INTS4: variants seen among roughly 807,000 people sequenced by gnomAD.
INTS4 encodes MSTP093.
Under a neutral mutation model 119.5 loss-of-function variants are expected in INTS4, and 70 were observed. That is an observed-to-expected ratio of 0.59 (90% CI 0.48 to 0.71). The LOEUF (loss-of-function observed/expected upper bound fraction) is 0.71, where lower values mean the gene tolerates loss of function less well. INTS4 is among the 30% of genes least tolerant of loss of function. The pLI, the probability that INTS4 is intolerant of heterozygous loss-of-function variation, is 0.00. For missense variants in INTS4, 867 were observed against 1,173.2 expected (o/e 0.74, Z 3.81); for synonymous variants, 316 against 419.6 (o/e 0.75, Z 3.02).
Position 77,938,718 on chromosome 11 carries a change from C to T in INTS4, c.1098G>A (p.Gly366=). Residue 366 remains glycine, a synonymous_variant, in exon 10 of 23, where the codon GGG becomes GGA. Transcript: ENST00000534064. ...CTCCTGACTCAATCAAGTTCACAGC[C>T]CCGGTATCTACTTCTTCCTTGGGAG... ...DDAPKEEVDT[G]AVNLIESGAC... 1 of 1,611,998 alleles carries T rather than the reference C, an allele frequency of 6.2e-7. No individual in the cohort carries two copies. The highest frequency in any genetic ancestry group is 8.5e-7 in the Non-Finnish European group (1 of 1,179,864).
At chr11:77,904,054 T>G (rs1279710612) in intron 16 of INTS4, among the ~76,000 whole-genome samples, 1 of 152,204 alleles carries the variant, frequency 6.6e-6, no homozygotes, top group African/African-American at 2.4e-5. Flanking sequence ...CCCAACCACT[T>G]TATCAACATA....
At chr11:77,980,415 T>G (rs976970075) in intron 3 of INTS4, among the ~76,000 whole-genome samples, 2 of 152,200 alleles carry the variant, frequency 1.3e-5, no homozygotes, top group African/African-American at 4.8e-5. Flanking sequence ...CGTCTCGCTC[T>G]GTCACCCAGG....
At chr11:77,955,582 G>A (rs1954299305) in intron 8 of INTS4, among the ~76,000 whole-genome samples, 1 of 148,932 alleles carries the variant, frequency 6.7e-6, no homozygotes, top group Non-Finnish European at 1.5e-5. Context: ...TGCAACTTCT[G>A]CCTCCCAGGT....
At chr11:77,922,083 C>T (rs1451533694) in intron 13 of INTS4, among the ~76,000 whole-genome samples, 3 of 151,808 alleles carry the variant, frequency 2.0e-5, no homozygotes, top group African/African-American at 7.3e-5. Context: ...CAAAAATTAG[C>T]TGGGTGTGGT....
chr11:77,943,251 T>C (rs1953971451), intron 8 of INTS4, among the ~76,000 whole-genome samples: 1 of 152,174 alleles, frequency 6.6e-6, no homozygotes, highest in Admixed American at 6.5e-5. Flanking sequence ...AAATTAAATA[T>C]CATTACTTGA....
intron 15 of INTS4, among the ~76,000 whole-genome samples, chr11:77,910,319 C>T (rs1334830897): frequency 6.6e-6 from 1 of 151,470 alleles, no homozygotes; most frequent in East Asian, 1.9e-4. Flanking sequence ...TGGAAACCAT[C>T]GTTCTCAGCA....
intron 4 of INTS4, among the ~76,000 whole-genome samples, chr11:77,961,819 A>G (rs12420528): frequency 0.13 from 19,963 of 152,226 alleles, 1,502 homozygotes; most frequent in East Asian, 0.25. Flanking sequence ...TGTTACTTAT[A>G]TAGTATTCAT....
At chr11:77,957,288 C>T (rs777438602) in intron 7 of INTS4, among the ~76,000 whole-genome samples, 2 of 151,786 alleles carry the variant, frequency 1.3e-5, no homozygotes, top group Non-Finnish European at 2.9e-5. Flanking sequence ...TTCAGCCAGG[C>T]GTGTAATCCC....
intron 8 of INTS4, among the ~76,000 whole-genome samples, chr11:77,946,166 C>T (rs1212836212): frequency 6.6e-6 from 1 of 152,210 alleles, no homozygotes; most frequent in East Asian, 1.9e-4. Context: ...CCATCACAAA[C>T]TCCCACAGCC....
At chr11:77,894,892 C>T (rs901115479) in intron 18 of INTS4, among the ~76,000 whole-genome samples, 1 of 152,156 alleles carries the variant, frequency 6.6e-6, no homozygotes, top group Non-Finnish European at 1.5e-5. Context: ...ATTTATATTT[C>T]CTTCTGGTCT....
At chr11:77,964,082 T>G (rs969465398) in intron 4 of INTS4, among the ~76,000 whole-genome samples, 2 of 152,224 alleles carry the variant, frequency 1.3e-5, no homozygotes, top group African/African-American at 4.8e-5. Flanking sequence ...GTTGTGCAGA[T>G]GCTACACAAG....
chr11:77,887,254 A>G (rs1952053028), intron 21 of INTS4, among the ~76,000 whole-genome samples: 1 of 152,250 alleles, frequency 6.6e-6, no homozygotes, highest in Non-Finnish European at 1.5e-5. Context: ...CCTGGGATGC[A>G]AGGCTGGTTC....
intron 19 of INTS4, among the ~76,000 whole-genome samples, chr11:77,892,548 G>C (rs1034737023): frequency 1.3e-5 from 2 of 152,126 alleles, no homozygotes; most frequent in African/African-American, 2.4e-5. Context: ...GCAAAAGTAA[G>C]GCATGAACTT....
In INTS4 at chr11:77,961,541, C is replaced by T. The variant is rs1488675544; in HGVS notation, c.472-403G>A. Among the ~76,000 whole-genome samples, 5 of 152,218 alleles carry T rather than the reference C, an allele frequency of 3.3e-5. No individual in the cohort carries two copies. In the East Asian group the frequency reaches 9.6e-4, roughly 29 times the overall value. On this transcript the variant is annotated intron_variant, in intron 4 of 22. Coordinates refer to ENST00000534064, the MANE Select transcript of INTS4 (RefSeq NM_033547.4). Reference sequence around the variant, plus strand: ...AATATGCAAAATCTTAAGTGTACAGCTCAATAAATTTTCACAAATACACAT... The same window carrying T: ...AATATGCAAAATCTTAAGTGTACAGTTCAATAAATTTTCACAAATACACAT...
At chr11:77,881,911 GTTT>G (rs951135442) in intron 22 of INTS4, among the ~76,000 whole-genome samples, 1 of 144,990 alleles carries the variant, frequency 6.9e-6, no homozygotes. Context: ...GTTTCTGATG[GTTT>G]TTTTTTTTTT....
intron 15 of INTS4, chr11:77,911,012 G>A (rs1413338052): frequency 1.2e-5 from 16 of 1,288,918 alleles, no homozygotes; most frequent in Middle Eastern, 2.1e-4. Context: ...TTTCAGGGCC[G>A]GCATAACACA....
intron 15 of INTS4, among the ~76,000 whole-genome samples, chr11:77,917,753 T>C (rs1276175557): frequency 6.6e-6 from 1 of 151,724 alleles, no homozygotes; most frequent in Non-Finnish European, 1.5e-5. Flanking sequence ...TAAAAGCAAA[T>C]GAGTTTAAAT....
rs1252631928 is a variant in INTS4 at position 77,946,731 on chromosome 11, G to A, written c.919-5480C>T. On this transcript the variant is annotated intron_variant, in intron 8 of 22. Coordinates refer to ENST00000534064, the MANE Select transcript of INTS4 (RefSeq NM_033547.4). ...AGCTGAGATCATGCCACTGCACTTC[G>A]GCCTGGGTGACAGAGCAAGACCCTG... Among the ~76,000 whole-genome samples the A allele has an allele frequency of 3.3e-5, 5 of 151,060 alleles. No homozygotes were observed. In the South Asian group the frequency reaches 8.4e-4, roughly 25 times the overall value.
At chr11:77,961,937 C>T (rs1954486528) in intron 4 of INTS4, among the ~76,000 whole-genome samples, 1 of 152,140 alleles carries the variant, frequency 6.6e-6, no homozygotes, top group African/African-American at 2.4e-5. Flanking sequence ...TTGTATGTGG[C>T]TTTTGGTGTA....
Sources: allele counts gnomAD v4.1 joint callset (sites outside exome capture counted in the v4.1 genomes callset), GRCh38; gene constraint gnomAD v4.1.1; transcripts MANE v1.5; gene names NCBI Gene and HGNC (gene_info 2026-07-23, HGNC 2026-07-21).